Variants in A1CF observed in about 807,000 individuals in gnomAD.
A1CF encodes APOBEC1 complementation factor.
A1CF carries 48 observed loss-of-function variants against 68.9 expected under a neutral mutation model. The observed-to-expected ratio is 0.70, with a 90% CI of 0.55 to 0.89. The LOEUF (loss-of-function observed/expected upper bound fraction) is 0.89. A1CF is among the 40% of genes least tolerant of loss of function. The probability of loss-of-function intolerance (pLI) is 0.00; values close to 1 mark genes in which losing one functional copy is unlikely to be tolerated. For missense variants in A1CF, 653 were observed against 718.9 expected (o/e 0.91, Z 1.05); for synonymous variants, 272 against 260.4 (o/e 1.04, Z -0.43).
intron 8 of A1CF, among the ~76,000 whole-genome samples, chr10:50,819,476 A>G (rs1027744914): frequency 1.1e-4 from 17 of 152,132 alleles, no homozygotes; most frequent in African/African-American, 3.9e-4. Context: ...CAGGATTTCT[A>G]TTAATTCTCC....
chr10:50,835,622 A>T (rs1482367917), intron 6 of A1CF, among the ~76,000 whole-genome samples: 2 of 152,176 alleles, frequency 1.3e-5, no homozygotes, highest in Non-Finnish European at 2.9e-5. Flanking sequence ...CAAATTAGAC[A>T]GAAATTATTA....
intron 5 of A1CF, 73 bp from the exon 6 acceptor site, chr10:50,836,385 C>A: frequency 6.8e-7 from 1 of 1,475,248 alleles, no homozygotes; most frequent in South Asian, 1.3e-5. Context: ...TGGCTGTGGG[C>A]CAAATGTTGC....
In A1CF at chr10:50,813,964, TGA is replaced by T; in HGVS notation, c.1214_1215del (p.Val405GlufsTer11). On this transcript the variant is annotated frameshift_variant, in exon 10 of 13. Transcript: ENST00000373997. LOFTEE classifies it high-confidence loss of function. ...AGTTTGTCTTCTCTTTTGTCTCCTTTGACCTGGTATCCTCGACCCAGGCCTGT... is the reference window on the plus strand; with the variant it reads ...AGTTTGTCTTCTCTTTTGTCTCCTTTCCTGGTATCCTCGACCCAGGCCTGT... ...AYTGLGRGYQ[V>X]KGDKREDKLY... The T allele has an allele frequency of 6.2e-7, 1 of 1,613,948 alleles. No individual in the cohort carries two copies. Among genetic ancestry groups the T allele is most frequent in the Non-Finnish European group, 8.5e-7 (1 of 1,179,868 alleles).
chr10:50,817,411 G>A (rs1048390142), intron 8 of A1CF, among the ~76,000 whole-genome samples: 1 of 152,128 alleles, frequency 6.6e-6, no homozygotes. Context: ...CAAAGCTTGT[G>A]CTTCATGGTC....
intron 3 of A1CF, among the ~76,000 whole-genome samples, chr10:50,849,301 G>A (rs1490481625): frequency 6.6e-6 from 1 of 152,112 alleles, no homozygotes; most frequent in Admixed American, 6.6e-5. Flanking sequence ...CTTCATGTTG[G>A]TAAAATCTGT....
intron 3 of A1CF, among the ~76,000 whole-genome samples, chr10:50,844,756 T>C (rs1284807159): frequency 6.6e-6 from 1 of 152,236 alleles, no homozygotes; most frequent in Non-Finnish European, 1.5e-5. Context: ...AATGTATCAC[T>C]GTACCATCCT....
rs114801286 is a variant in A1CF at position 50,841,477 on chromosome 10, G to A, written c.365+385C>T. Among the ~76,000 whole-genome samples the A allele has an allele frequency of 5.1e-3, 769 of 152,212 alleles. 8 individuals are homozygous for A. The highest frequency in any genetic ancestry group is 0.017 in the African/African-American group (706 of 41,532). On this transcript the variant is annotated intron_variant, in intron 5 of 12. Transcript: ENST00000373997. The stretch of plus-strand genomic sequence containing the variant: ...TTCTTAAATACACCAAATTAGAGTA[G>A]CCACCTTCTCACACAACTTTATCCC...
intron 3 of A1CF, among the ~76,000 whole-genome samples, chr10:50,848,272 G>A (rs549557749): frequency 6.6e-6 from 1 of 152,152 alleles, no homozygotes; most frequent in South Asian, 2.1e-4. Context: ...CTTTATAGAT[G>A]AGGAAACTAA....
intron 10 of A1CF, among the ~76,000 whole-genome samples, chr10:50,813,463 T>G (rs1334873902): frequency 6.6e-6 from 1 of 152,182 alleles, no homozygotes; most frequent in African/African-American, 2.4e-5. Flanking sequence ...AAAGATGTCC[T>G]AAATGGTCTA....
At position 50,799,685 on chromosome 10, in the gene A1CF, G is replaced by A. The variant is rs965351710; in HGVS notation, c.*7044C>T. ...ATGCACACTTTTTAATACTGTCTTT[G>A]TCTCTTTTTTGGTACCTCAGCTAAC... On this transcript the variant is annotated 3_prime_UTR_variant, in exon 13 of 13. Transcript: ENST00000373997. 1 of 152,012 alleles carries A rather than the reference G, an allele frequency of 6.6e-6. No individual in the cohort carries two copies. Among genetic ancestry groups the A allele is most frequent in the African/African-American group, 2.4e-5 (1 of 41,410 alleles). 9.4% of individuals were successfully genotyped at this position (152,012 alleles called of 1,614,324 possible). A position where few individuals can be genotyped will look rare whatever the true frequency, so the allele number is the denominator to read the frequency against.
intron 3 of A1CF, among the ~76,000 whole-genome samples, chr10:50,844,878 T>C (rs1839929640): frequency 6.6e-6 from 1 of 152,194 alleles, no homozygotes; most frequent in Admixed American, 6.6e-5. Flanking sequence ...TGACTGTTGT[T>C]TAAAATTGAA....
chr10:50,869,950 T>A (rs1376110196), intron 1 of A1CF, among the ~76,000 whole-genome samples: 2 of 151,872 alleles, frequency 1.3e-5, no homozygotes, highest in Non-Finnish European at 2.9e-5. Context: ...ATTATGTTAA[T>A]AAATGGATGT....
chr10:50,870,856 A>G lies in A1CF; in HGVS notation c.-93-6776T>C, dbSNP rs573224116. On this transcript the variant is annotated intron_variant, in intron 1 of 12. Transcript: ENST00000373997. ...TATCATAGGAGTATAGATATGAACT[A>G]CATATGAAAAAGCATCCAAAATAAT... Among the ~76,000 whole-genome samples, 3 of 151,896 alleles carry G rather than the reference A, an allele frequency of 2.0e-5. No homozygotes were observed. In the South Asian group the frequency reaches 6.2e-4, roughly 32 times the overall value.
At chr10:50,881,867 C>A (rs891117089) in intron 1 of A1CF, among the ~76,000 whole-genome samples, 4 of 152,144 alleles carry the variant, frequency 2.6e-5, no homozygotes, top group Non-Finnish European at 4.4e-5. Flanking sequence ...TACCAGGGAC[C>A]AATTCCTATT....
In A1CF at chr10:50,844,271, T is replaced by G. The variant is rs1467316806; in HGVS notation, c.100-149A>C. The G allele has an allele frequency of 1.6e-5, 18 of 1,155,800 alleles. No homozygotes were observed. The South Asian group carries it at 2.6e-4, about 17-fold the overall frequency. The allele number at this position is 1,155,800 out of a possible 1,614,324, so 71.6% of individuals were successfully genotyped here. ...AGTGGACTGGTTAAAGGAGAAAAAT[T>G]AAAGCTTTTTATGTGGATTATAGTA... On this transcript the variant is annotated intron_variant, in intron 3 of 12. Transcript: ENST00000373997.
chr10:50,823,324 C>T (rs1304165994), intron 7 of A1CF, among the ~76,000 whole-genome samples: 1 of 151,988 alleles, frequency 6.6e-6, no homozygotes, highest in Admixed American at 6.6e-5. Context: ...ATAATTGATC[C>T]TCATTTGGCA....
At chr10:50,872,106 A>G (rs1365668152) in intron 1 of A1CF, among the ~76,000 whole-genome samples, 2 of 151,560 alleles carry the variant, frequency 1.3e-5, no homozygotes, top group Non-Finnish European at 2.9e-5. Flanking sequence ...GTCAATTTAA[A>G]GAAATCAAAA....
chr10:50,836,395 C>T (rs1463218186), intron 5 of A1CF, 83 bp from the exon 6 acceptor site: 22 of 1,443,970 alleles, frequency 1.5e-5, no homozygotes, highest in Non-Finnish European at 2.0e-5. Context: ...CCAAATGTTG[C>T]CTGAAGATGT....
intron 7 of A1CF, chr10:50,822,919 C>T (rs925324640): frequency 7.2e-5 from 11 of 152,284 alleles, no homozygotes; most frequent in African/African-American, 1.2e-4. Context: ...ACAGGACCCT[C>T]TTCAGAGACT....
Sources: allele counts gnomAD v4.1 joint callset (sites outside exome capture counted in the v4.1 genomes callset), GRCh38; gene constraint gnomAD v4.1.1; transcripts MANE v1.5; gene names NCBI Gene and HGNC (gene_info 2026-07-23, HGNC 2026-07-21).